Variants in PRKCE observed in about 807,000 individuals in gnomAD.
PRKCE encodes the protein protein kinase C epsilon type.
In PRKCE, 16 loss-of-function variants were observed where a neutral mutation model predicts 85.4. The ratio of observed to expected loss-of-function variants is 0.19; its 90% confidence interval spans 0.13 to 0.28. The LOEUF is 0.28. Ranked by LOEUF, PRKCE falls within the 10% of genes least tolerant of loss-of-function variation. The pLI is 1.00. For missense variants in PRKCE, 573 were observed against 975.2 expected (o/e 0.59, Z 5.49); for synonymous variants, 388 against 371.5 (o/e 1.04, Z -0.51).
intron 9 of PRKCE, among the ~76,000 whole-genome samples, chr2:46,010,055 G>A (rs1434844646): frequency 1.3e-5 from 2 of 152,210 alleles, no homozygotes. Context: ...TGTAGTAACT[G>A]TAGAACGGTA....
intron 2 of PRKCE, among the ~76,000 whole-genome samples, chr2:45,950,088 T>G (rs2104323170): frequency 6.6e-6 from 1 of 152,338 alleles, no homozygotes; most frequent in East Asian, 1.9e-4. Flanking sequence ...AGTTTTTAAT[T>G]TCTTTTTAAG....
intron 11 of PRKCE, among the ~76,000 whole-genome samples, chr2:46,135,540 C>T (rs1344272337): frequency 6.6e-6 from 1 of 152,086 alleles, no homozygotes; most frequent in African/African-American, 2.4e-5. Flanking sequence ...AAAGATTTAA[C>T]ACTGAGCTTG....
chr2:46,123,701 G>T (rs1336927593), intron 11 of PRKCE, among the ~76,000 whole-genome samples: 1 of 152,068 alleles, frequency 6.6e-6, no homozygotes, highest in Non-Finnish European at 1.5e-5. Flanking sequence ...GACCAGGCTG[G>T]TATCAAACTC....
chr2:46,007,759 G>T, intron 9 of PRKCE, 98 bp downstream of exon 9: 2 of 1,318,082 alleles, frequency 1.5e-6, no homozygotes, highest in Non-Finnish European at 2.1e-6. Context: ...CTTTCAGCCT[G>T]ATCTCGTTAG....
intron 1 of PRKCE, among the ~76,000 whole-genome samples, chr2:45,835,605 T>G (rs1344647765): frequency 1.3e-5 from 2 of 152,024 alleles, no homozygotes; most frequent in Admixed American, 6.5e-5. Context: ...TTGTTTTTTT[T>G]TTTTTTTTTA....
chr2:45,658,090 G>A (rs990820025), intron 1 of PRKCE, among the ~76,000 whole-genome samples: 5 of 152,302 alleles, frequency 3.3e-5, no homozygotes, highest in African/African-American at 1.2e-4. Flanking sequence ...AACACAGTGG[G>A]GTGGGAAGGG....
At chr2:46,099,810 C>A (rs1364051880) in intron 11 of PRKCE, among the ~76,000 whole-genome samples, 1 of 152,092 alleles carries the variant, frequency 6.6e-6, no homozygotes, top group Non-Finnish European at 1.5e-5. Flanking sequence ...GCATATTTGG[C>A]TGCAGGATAT....
chr2:46,011,936 T>G (rs936313704), intron 10 of PRKCE, among the ~76,000 whole-genome samples: 19 of 152,216 alleles, frequency 1.2e-4, no homozygotes, highest in African/African-American at 4.6e-4. Flanking sequence ...CACATATTTC[T>G]TTGTCTACGA....
chr2:45,693,862 G>T (rs150952227), intron 1 of PRKCE, among the ~76,000 whole-genome samples: 1 of 152,062 alleles, frequency 6.6e-6, no homozygotes, highest in African/African-American at 2.4e-5. Context: ...TTGATAAGGC[G>T]AATTCTGGAA....
chr2:45,902,715 G>C (rs1696667589), intron 2 of PRKCE, among the ~76,000 whole-genome samples: 1 of 152,190 alleles, frequency 6.6e-6, no homozygotes, highest in Admixed American at 6.5e-5. Flanking sequence ...CCAGCCCCCA[G>C]ACCTAAAGTA....
chr2:45,903,130 A>G (rs571201234), intron 2 of PRKCE, among the ~76,000 whole-genome samples: 1 of 152,292 alleles, frequency 6.6e-6, no homozygotes, highest in African/African-American at 2.4e-5. Flanking sequence ...ATCAATAGTC[A>G]TGTTTTCAGT....
rs1573829459 is a variant in PRKCE, at chr2:45,907,128, G to A, written c.412+64065G>A. On this transcript the variant is annotated intron_variant, in intron 2 of 14. Coordinates refer to ENST00000306156, the MANE Select transcript of PRKCE (RefSeq NM_005400.3). This position sits in a 1 kb window ranked among gnomAD's most constrained non-coding sequence, Gnocchi z 4.5. ...ACACGCTCCATGTTAAATTTCTGAG[G>A]AGCAAAGGTAAAATGCCAGGATTGC... is the stretch of plus-strand genomic sequence containing the variant. Among the ~76,000 whole-genome samples, 1 of 152,328 alleles carries A rather than the reference G, an allele frequency of 6.6e-6. No homozygotes were observed. Among genetic ancestry groups the A allele is most frequent in the African/African-American group, 2.4e-5 (1 of 41,576 alleles).
At chr2:45,998,639 T>C (rs2122113) in intron 6 of PRKCE, among the ~76,000 whole-genome samples, 80,040 of 152,002 alleles carry the variant, frequency 0.53, 22,845 homozygotes, top group African/African-American at 0.77. Context: ...ATATTTAGAC[T>C]ATTGACATTT....
intron 2 of PRKCE, among the ~76,000 whole-genome samples, chr2:45,898,747 A>G (rs1265510599): frequency 6.6e-6 from 1 of 152,132 alleles, no homozygotes; most frequent in Non-Finnish European, 1.5e-5. Context: ...TTTGAATACT[A>G]TTGTAACCAG....
At chr2:46,180,779 G>A (rs887072542) in intron 14 of PRKCE, among the ~76,000 whole-genome samples, 6 of 152,188 alleles carry the variant, frequency 3.9e-5, no homozygotes, top group African/African-American at 1.4e-4. Flanking sequence ...CCACCCCCGT[G>A]TGACAGATGG....
At position 45,651,807 on chromosome 2, in the gene PRKCE, C is replaced by G; in HGVS notation, c.-294C>G. The G allele has an allele frequency of 3.7e-6, 1 of 273,840 alleles. No homozygotes were observed. Among genetic ancestry groups the G allele is most frequent in the East Asian group, 6.3e-5 (1 of 15,850 alleles). The allele number at this position is 273,840 out of a possible 1,614,324, so 17.0% of individuals were successfully genotyped here. The stretch of plus-strand genomic sequence containing the variant: ...GCGGCTTGCAGCGGAGCCGACAGCT[C>G]GTCTTCTCTTCTGGAGGTGCAGCTG... On this transcript the variant is annotated 5_prime_UTR_variant, in exon 1 of 15. Transcript: ENST00000306156.
chr2:45,922,545 G>A (rs544760226), intron 2 of PRKCE, among the ~76,000 whole-genome samples: 8 of 152,052 alleles, frequency 5.3e-5, no homozygotes, highest in South Asian at 4.1e-4. Flanking sequence ...TGGATGACCC[G>A]CCACCTGCTC....
rs76239120 is a variant in PRKCE at position 46,145,268 on chromosome 2, G to T, written c.1731+37G>T. On this transcript the variant is annotated intron_variant, in intron 12 of 14. Transcript: ENST00000306156. The surrounding 1 kb of genome is among the most constrained non-coding windows in gnomAD (Gnocchi z 4.6). ...GTGCAAAGGTTCACCTCCTCCTGGT[G>T]CCAGGACCGAGGCAGGGGTCCAAAC... 1 of 1,598,102 alleles carries T rather than the reference G, an allele frequency of 6.3e-7. No homozygotes were observed. The highest frequency in any genetic ancestry group is 1.3e-5 in the African/African-American group (1 of 74,844).
intron 1 of PRKCE, among the ~76,000 whole-genome samples, chr2:45,658,934 G>A (rs761773432): frequency 6.6e-6 from 1 of 152,218 alleles, no homozygotes; most frequent in Non-Finnish European, 1.5e-5. Flanking sequence ...GGTCATTGTA[G>A]ACAAAGGTTA....
Sources: allele counts gnomAD v4.1 joint callset (sites outside exome capture counted in the v4.1 genomes callset), GRCh38; gene constraint gnomAD v4.1.1; non-coding constraint Gnocchi (gnomAD v3.1); transcripts MANE v1.5; gene names NCBI Gene and HGNC (gene_info 2026-07-23, HGNC 2026-07-21).